JAKMIP2: variants seen among roughly 807,000 people sequenced by gnomAD.
The protein encoded by JAKMIP2 is janus kinase and microtubule interacting protein 2, also known as janus kinase and microtubule-interacting protein 2.
Under a neutral mutation model 115.0 loss-of-function variants are expected in JAKMIP2, and 25 were observed. The ratio of observed to expected loss-of-function variants is 0.22; its 90% CI spans 0.16 to 0.30. The LOEUF (loss-of-function observed/expected upper bound fraction) is 0.30, where lower values mean the gene tolerates loss of function less well. JAKMIP2 is among the 10% of genes least tolerant of loss of function. The probability of loss-of-function intolerance (pLI) is 1.00; values close to 1 mark genes in which losing one functional copy is unlikely to be tolerated. For missense variants in JAKMIP2, 642 were observed against 957.6 expected, an observed-to-expected ratio of 0.67 and a Z score of 4.35; for synonymous variants, 334 against 343.6, an observed-to-expected ratio of 0.97 and a Z score of 0.31.
intron 13 of JAKMIP2, 95 bp downstream of exon 13, chr5:147,632,585 T>C (rs1259130461): frequency 1.1e-5 from 9 of 793,946 alleles, no homozygotes; most frequent in Non-Finnish European, 1.9e-5. Flanking sequence ...AGAGTATGAA[T>C]CTGAAATGCT....
chr5:147,709,675 C>A (rs1162276633), intron 1 of JAKMIP2, among the ~76,000 whole-genome samples: 2 of 151,922 alleles, frequency 1.3e-5, no homozygotes, highest in African/African-American at 4.8e-5. Flanking sequence ...ATGGTGAAAC[C>A]CCGTCTCTAC....
chr5:147,663,344 C>T (rs1759131889), intron 2 of JAKMIP2, among the ~76,000 whole-genome samples: 1 of 152,102 alleles, frequency 6.6e-6, no homozygotes, highest in Non-Finnish European at 1.5e-5. Context: ...TAATCAGCTG[C>T]CAGGGAAGCC....
chr5:147,776,964 T>C (rs1404059297), intron 1 of JAKMIP2, among the ~76,000 whole-genome samples: 2 of 151,984 alleles, frequency 1.3e-5, no homozygotes, highest in Admixed American at 1.3e-4. Context: ...AATTAAAAAA[T>C]AAAACTACAC....
rs1455418150 is a variant in JAKMIP2 at position 147,587,170 on chromosome 5, G to A, written c.*4537C>T. 1 of 152,102 alleles carries A rather than the reference G, an allele frequency of 6.6e-6. No individual in the cohort carries two copies. The highest frequency in any genetic ancestry group is 1.5e-5 in the Non-Finnish European group (1 of 68,030). 9.4% of individuals were successfully genotyped at this position (152,102 alleles called of 1,614,324 possible). A position where few individuals can be genotyped will look rare whatever the true frequency, so the allele number is the denominator to read the frequency against. On this transcript the variant is annotated 3_prime_UTR_variant, in exon 22 of 22. Transcript: ENST00000616793. The stretch of plus-strand genomic sequence containing the variant: ...TAAGACCTAGAAGTCTGCTTAAAGA[G>A]GGGCTTGGGTCCATATTGGAAGCAT...
rs149112311 is a variant in JAKMIP2, at chr5:147,590,931, G to A, written c.*776C>T. The A allele has an allele frequency of 9.3e-3, 1,414 of 152,430 alleles. 11 individuals are homozygous for A. Among genetic ancestry groups the A allele is most frequent in the Non-Finnish European group, 0.014 (976 of 68,046 alleles). The allele number at this position is 152,430 out of a possible 1,614,324, so 9.4% of individuals were successfully genotyped here. ...TGCTTTTATTTCACATGTCACATTC[G>A]CTCGGGTCCTTTGACTTCGTTACCA... On this transcript the variant is annotated 3_prime_UTR_variant, in exon 22 of 22. Transcript: ENST00000616793.
intron 5 of JAKMIP2, among the ~76,000 whole-genome samples, chr5:147,646,459 C>T (rs1405172370): frequency 1.3e-5 from 2 of 151,960 alleles, no homozygotes; most frequent in Admixed American, 6.6e-5. Context: ...CTTATTAATA[C>T]AATTCACAGA....
At chr5:147,676,552 T>C (rs947831641) in intron 1 of JAKMIP2, among the ~76,000 whole-genome samples, 5 of 152,158 alleles carry the variant, frequency 3.3e-5, no homozygotes, top group African/African-American at 9.7e-5. Context: ...ACCCTAGATT[T>C]CTAGCTCCTA....
chr5:147,754,371 C>A (rs749350235), intron 1 of JAKMIP2, among the ~76,000 whole-genome samples: 18 of 152,118 alleles, frequency 1.2e-4, no homozygotes, highest in Non-Finnish European at 2.2e-4. Context: ...CCCAGGAGCA[C>A]TATCTTTCCA....
intron 1 of JAKMIP2, among the ~76,000 whole-genome samples, chr5:147,715,233 G>A (rs779009450): frequency 2.2e-4 from 33 of 151,990 alleles, no homozygotes; most frequent in Non-Finnish European, 3.5e-4. Flanking sequence ...ATAAAGGAAC[G>A]AGGAAGAAAT....
intron 1 of JAKMIP2, among the ~76,000 whole-genome samples, chr5:147,739,378 G>T (rs1214699193): frequency 6.6e-6 from 1 of 152,114 alleles, no homozygotes; most frequent in Non-Finnish European, 1.5e-5. Context: ...CTGCCTAGGG[G>T]TGTTTTAACT....
chr5:147,671,611 T>C (rs1455207694), intron 2 of JAKMIP2, 67 bp downstream of exon 2: 9 of 1,288,986 alleles, frequency 7.0e-6, no homozygotes, highest in Non-Finnish European at 2.0e-6. Flanking sequence ...GGCAGAGCTG[T>C]GCTCGCTGCA....
chr5:147,701,844 G>A (rs543371688), intron 1 of JAKMIP2, among the ~76,000 whole-genome samples: 14 of 152,228 alleles, frequency 9.2e-5, no homozygotes, highest in African/African-American at 3.1e-4. Context: ...TCAAAACTGT[G>A]AGCAATAAAT....
In JAKMIP2 at chr5:147,601,780, G is replaced by C; in HGVS notation, c.2444C>G (p.Ala815Gly). 1 of 1,502,962 alleles carries C rather than the reference G, an allele frequency of 6.7e-7. No individual in the cohort carries two copies. Among genetic ancestry groups the C allele is most frequent in the Non-Finnish European group, 9.0e-7 (1 of 1,110,566 alleles). The allele number at this position is 1,502,962 out of a possible 1,614,324, so 93.1% of individuals were successfully genotyped here. Reference sequence around the variant, plus strand: ...TTGACATCAAGGCCATAGAATAAAGGCAAGAGAGAAGAACAAGAATAGAAA... The same window carrying C: ...TTGACATCAAGGCCATAGAATAAAGCCAAGAGAGAAGAACAAGAATAGAAA... Reference protein sequence around the residue: ...FLFLFLFFSLAFILWP With the variant: ...FLFLFLFFSLGFILWP The change falls in exon 21 of 22, where the codon GCC becomes GGC. Residue 815 changes from alanine (A) to glycine (G), a missense_variant. Physicochemically the swap from Ala to Gly is moderately conservative, Grantham distance 60. Around this residue, in one of 6 missense-constraint regions of JAKMIP2, gnomAD observed 26 missense variants for 50.5 expected, o/e 0.51. Transcript: ENST00000616793.
At chr5:147,664,963 A>ATG (rs1374337409) in intron 2 of JAKMIP2, among the ~76,000 whole-genome samples, 4 of 152,056 alleles carry the variant, frequency 2.6e-5, no homozygotes, top group African/African-American at 9.7e-5. Context: ...CCCCTCCTCA[A>ATG]CCCCTTCCCA....
chr5:147,705,738 A>G (rs1007676178), intron 1 of JAKMIP2, among the ~76,000 whole-genome samples: 2 of 152,214 alleles, frequency 1.3e-5, no homozygotes, highest in African/African-American at 2.4e-5. Context: ...GAGACTGGTT[A>G]TGCAGTTTGT....
intron 3 of JAKMIP2, among the ~76,000 whole-genome samples, chr5:147,652,546 G>T (rs1381569675): frequency 6.6e-6 from 1 of 152,092 alleles, no homozygotes; most frequent in Non-Finnish European, 1.5e-5. Flanking sequence ...TTCCAAAAAT[G>T]GAGCTTGGGG....
chr5:147,602,227 C>T (rs1043719755), intron 20 of JAKMIP2, among the ~76,000 whole-genome samples: 1 of 152,264 alleles, frequency 6.6e-6, no homozygotes, highest in Non-Finnish European at 1.5e-5. Flanking sequence ...AAAATACGAT[C>T]AGAACATACA....
At chr5:147,620,560 G>A (rs1756803600) in intron 18 of JAKMIP2, 106 bp downstream of exon 18, 3 of 660,932 alleles carry the variant, frequency 4.5e-6, no homozygotes, top group South Asian at 2.2e-5. Context: ...TGAACTGCAT[G>A]TCGTGATCTA....
intron 10 of JAKMIP2, among the ~76,000 whole-genome samples, chr5:147,639,069 G>C (rs931215956): frequency 4.6e-5 from 7 of 152,170 alleles, no homozygotes; most frequent in African/African-American, 1.7e-4. Flanking sequence ...AAGAACATTT[G>C]ACCCAGTAAG....
Sources: gnomAD v4.1 joint callset for allele counts (sites outside exome capture counted in the v4.1 genomes callset) on GRCh38, gnomAD v4.1.1 for gene constraint, gnomAD v4.1.1 regional missense constraint, MANE v1.5 for transcripts, NCBI Gene and HGNC (gene_info 2026-07-23, HGNC 2026-07-21) for gene names.